Variants in TAFA4 observed in about 807,000 individuals in gnomAD.
TAFA4 encodes the protein TAFA chemokine like family member 4.
A neutral mutation model predicts 21.1 loss-of-function variants in TAFA4; 20 were observed. The observed-to-expected ratio is 0.95, with a 90% CI of 0.67 to 1.38. The LOEUF (loss-of-function observed/expected upper bound fraction) is 1.38. TAFA4 is among the 40% of genes most tolerant of loss of function. The pLI, the probability that TAFA4 is intolerant of heterozygous loss-of-function variation, is 0.00. For missense variants in TAFA4, 211 were observed against 180.9 expected, an observed-to-expected ratio of 1.17 and a Z score of -0.95; for synonymous variants, 71 against 67.4, an observed-to-expected ratio of 1.05 and a Z score of -0.26.
At chr3:68,806,459 T>C (rs567042465) in intron 3 of TAFA4, among the ~76,000 whole-genome samples, 2 of 152,336 alleles carry the variant, frequency 1.3e-5, no homozygotes, top group Admixed American at 1.3e-4. Context: ...TATTATATAC[T>C]CTATTAAGCC....
chr3:68,804,461 T>C (rs1276244086), intron 3 of TAFA4, among the ~76,000 whole-genome samples: 2 of 152,130 alleles, frequency 1.3e-5, no homozygotes, highest in Admixed American at 6.6e-5. Flanking sequence ...TTAAAGTTCA[T>C]ATAGAACCAA....
intron 3 of TAFA4, among the ~76,000 whole-genome samples, chr3:68,799,803 G>T (rs1043473455): frequency 1.3e-5 from 2 of 152,032 alleles, no homozygotes; most frequent in African/African-American, 4.8e-5. Context: ...TGGCTTGTTA[G>T]GAACCAGGCT....
chr3:68,735,254 G>T (rs1414330968), intron 5 of TAFA4, among the ~76,000 whole-genome samples: 1 of 152,094 alleles, frequency 6.6e-6, no homozygotes, highest in Non-Finnish European at 1.5e-5. Flanking sequence ...ACAATGATTG[G>T]CAGTGAAGGC....
chr3:68,829,617 G>A (rs780163015), intron 3 of TAFA4, among the ~76,000 whole-genome samples: 14 of 152,144 alleles, frequency 9.2e-5, no homozygotes, highest in Non-Finnish European at 1.6e-4. Context: ...TTTTCGCATC[G>A]ATGTTCATCA....
chr3:68,740,517 C>G (rs1384366522), intron 4 of TAFA4, among the ~76,000 whole-genome samples: 2 of 152,134 alleles, frequency 1.3e-5, no homozygotes, highest in Non-Finnish European at 2.9e-5. Context: ...AATTCAGCTC[C>G]TTTTCCTACT....
chr3:68,847,675 C>T (rs1490721035), intron 3 of TAFA4, among the ~76,000 whole-genome samples: 2 of 152,182 alleles, frequency 1.3e-5, no homozygotes, highest in African/African-American at 4.8e-5. Flanking sequence ...TTGAGAAGAC[C>T]ATGGGAAAAG....
At chr3:68,828,200 T>G (rs1704298027) in intron 3 of TAFA4, among the ~76,000 whole-genome samples, 1 of 152,196 alleles carries the variant, frequency 6.6e-6, no homozygotes, top group Non-Finnish European at 1.5e-5. Flanking sequence ...TGCATGGTGT[T>G]ATTTCTGAGG....
At chr3:68,766,362 C>A (rs949800027) in intron 3 of TAFA4, among the ~76,000 whole-genome samples, 3 of 151,854 alleles carry the variant, frequency 2.0e-5, no homozygotes, top group African/African-American at 7.3e-5. Flanking sequence ...GTCAAATACT[C>A]TTAAAAAAAA....
chr3:68,863,570 T>TA lies in TAFA4; in HGVS notation c.130+17159dup, dbSNP rs200021177. Among the ~76,000 whole-genome samples, 1,491 of 152,272 alleles carry TA rather than the reference T, an allele frequency of 9.8e-3. 22 individuals are homozygous for TA. The highest frequency in any genetic ancestry group is 0.034 in the African/African-American group (1,411 of 41,576). ...AACTTAAAATTTCATCTAACAGCTG[T>TA]AAAAACTGAGACCAAGAGAGTAAAC... On this transcript the variant is annotated intron_variant, in intron 3 of 5. Transcript: ENST00000295569.
intron 3 of TAFA4, among the ~76,000 whole-genome samples, chr3:68,753,698 C>T (rs1451896958): frequency 6.6e-6 from 1 of 152,036 alleles, no homozygotes; most frequent in Non-Finnish European, 1.5e-5. Context: ...ATTCAGGGCT[C>T]AAATGAGCCC....
At chr3:68,868,653 G>A (rs1281632367) in intron 3 of TAFA4, among the ~76,000 whole-genome samples, 1 of 151,864 alleles carries the variant, frequency 6.6e-6, no homozygotes, top group Non-Finnish European at 1.5e-5. Flanking sequence ...AATGATCAAT[G>A]GGAAAATGAA....
intron 3 of TAFA4, among the ~76,000 whole-genome samples, chr3:68,769,473 G>A (rs1702913510): frequency 6.6e-6 from 1 of 152,146 alleles, no homozygotes; most frequent in African/African-American, 2.4e-5. Flanking sequence ...CCAGTCCCTG[G>A]TGCCAAAAAG....
At chr3:68,737,390 A>G (rs1575589333) in intron 5 of TAFA4, among the ~76,000 whole-genome samples, 2 of 152,140 alleles carry the variant, frequency 1.3e-5, no homozygotes, top group African/African-American at 4.8e-5. Flanking sequence ...ACCTCCTTGC[A>G]CCACCAGTAA....
chr3:68,923,662 T>C (rs1054415683), intron 1 of TAFA4, among the ~76,000 whole-genome samples: 9 of 152,172 alleles, frequency 5.9e-5, no homozygotes, highest in South Asian at 2.1e-4. Context: ...AATTTCACAA[T>C]GAACATCTGA....
chr3:68,922,812 A>T (rs1243830879), intron 1 of TAFA4, among the ~76,000 whole-genome samples: 1 of 152,188 alleles, frequency 6.6e-6, no homozygotes, highest in Non-Finnish European at 1.5e-5. Flanking sequence ...GATGATTAGT[A>T]TATTTTGTAC....
chr3:68,740,940 A>G (rs149072684), intron 4 of TAFA4, among the ~76,000 whole-genome samples: 4,274 of 152,302 alleles, frequency 0.028, 82 homozygotes, highest in Non-Finnish European at 0.045. Flanking sequence ...ACCCTGTCAA[A>G]GACTAGTCAA....
At chr3:68,792,846 T>A (rs1703388264) in intron 3 of TAFA4, among the ~76,000 whole-genome samples, 1 of 152,314 alleles carries the variant, frequency 6.6e-6, no homozygotes, top group South Asian at 2.1e-4. Flanking sequence ...CTAATGAAAC[T>A]CAGACCTTTC....
intron 3 of TAFA4, among the ~76,000 whole-genome samples, chr3:68,811,622 G>A (rs531326706): frequency 1.3e-5 from 2 of 152,118 alleles, no homozygotes; most frequent in African/African-American, 4.8e-5. Context: ...GAAGTTTAGA[G>A]AAAAAAGAAT....
At chr3:68,920,639 ATTTTTTTTTTTT>A (rs367598663) in intron 1 of TAFA4, among the ~76,000 whole-genome samples, 3 of 130,236 alleles carry the variant, frequency 2.3e-5, no homozygotes, top group Admixed American at 7.8e-5. Context: ...TTTTTCTCTA[ATTTTTTTTTTTT>A]TTTTTTTTTT....
Sources: allele counts gnomAD v4.1 joint callset (sites outside exome capture counted in the v4.1 genomes callset), GRCh38; gene constraint gnomAD v4.1.1; transcripts MANE v1.5; gene names NCBI Gene and HGNC (gene_info 2026-07-23, HGNC 2026-07-21).